Variants in EPS8L2 observed in about 807,000 individuals in gnomAD.
EPS8L2 encodes EPS8 signaling adaptor L2.
A neutral mutation model predicts 99.4 loss-of-function variants in EPS8L2; 81 were observed. The ratio of observed to expected loss-of-function variants is 0.82; its 90% CI spans 0.68 to 0.98. EPS8L2 has a LOEUF of 0.98. Among genes scored for constraint, EPS8L2 ranks in the 50% least tolerant of loss-of-function variants. The pLI is 0.00. For synonymous variants in EPS8L2, 509 were observed against 407.3 expected, an observed-to-expected ratio of 1.25 and a Z score of -3.01; for missense variants, 1,155 against 968.8, an observed-to-expected ratio of 1.19 and a Z score of -2.55.
chr11:722,273 G>A (rs960436376), intron 12 of EPS8L2, 108 bp downstream of exon 12: 33 of 1,534,338 alleles, frequency 2.2e-5, no homozygotes, highest in African/African-American at 1.1e-4. Flanking sequence ...TGGGCAGCCC[G>A]GTTCACGCTG....
intron 7 of EPS8L2, 69 bp downstream of exon 7, chr11:720,978 G>GCCGGGGAGGGGAGGAGC: frequency 9.1e-7 from 1 of 1,097,672 alleles, no homozygotes; most frequent in Non-Finnish European, 1.2e-6. Context: ...GAGGGGAGGA[G>GCCGGGGAGGGGAGGAGC]CCGGCAGGGG....
chr11:713,274 C>T (rs1229841470), intron 4 of EPS8L2, among the ~76,000 whole-genome samples: 1 of 152,216 alleles, frequency 6.6e-6, no homozygotes, highest in Non-Finnish European at 1.5e-5. Flanking sequence ...GGTTCTGTTG[C>T]CACCATAGTC....
At position 721,652 on chromosome 11, in the gene EPS8L2, C is replaced by A. The variant is rs750411464; in HGVS notation, c.856C>A (p.Arg286=). 6.3e-7 allele frequency: 1 copy of A among 1,583,822 alleles called. No individual in the cohort carries two copies. Among genetic ancestry groups the A allele is most frequent in the Non-Finnish European group, 8.6e-7 (1 of 1,168,192 alleles). ...AAEAFKQLNQ[R]KKGKKKGKKA... ...CGAGGCTTTCAAGCAGCTGAACCAG[C>A]GGAAAAAGGGGAAGAAGAAGGGCAA... The change falls in exon 10 of 21, where the codon CGG becomes AGG. Residue 286 remains arginine, a synonymous_variant. Coordinates refer to ENST00000318562, the MANE Select transcript of EPS8L2 (RefSeq NM_022772.4).
intron 19 of EPS8L2, 33 bp from the exon 20 acceptor site, chr11:726,586 G>T (rs1862332630): frequency 3.3e-6 from 5 of 1,533,058 alleles, no homozygotes; most frequent in Non-Finnish European, 4.4e-6. Flanking sequence ...CTCGCTCACA[G>T]CGCGGCCCTG....
intron 4 of EPS8L2, among the ~76,000 whole-genome samples, chr11:711,961 C>T (rs1261451347): frequency 6.8e-6 from 1 of 146,672 alleles, no homozygotes; most frequent in African/African-American, 2.5e-5. Flanking sequence ...CCAGCATGGG[C>T]AACAGAGCGA....
intron 4 of EPS8L2, among the ~76,000 whole-genome samples, chr11:719,629 A>G (rs918035596): frequency 3.9e-5 from 6 of 152,254 alleles, no homozygotes; most frequent in Non-Finnish European, 7.3e-5. Flanking sequence ...CGCACAGCAC[A>G]CCACGTGCAG....
chr11:710,609 G>A, intron 4 of EPS8L2, 123 bp downstream of exon 4: 1 of 986,872 alleles, frequency 1.0e-6, no homozygotes, highest in Non-Finnish European at 1.6e-6. Context: ...CCGGCCTGTA[G>A]GCCCTGCTAC....
In EPS8L2 at chr11:726,286, A is replaced by T; in HGVS notation, c.1754-18A>T. 6.3e-7 allele frequency: 1 copy of T among 1,594,040 alleles called. No individual in the cohort carries two copies. Among genetic ancestry groups the T allele is most frequent in the Middle Eastern group, 1.7e-4 (1 of 6,006 alleles). ...CAGGGGCAAGGCAGCGGCGGGCCTG[A>T]GTCGCGCGCCCCCTCAGAGCTCATG... On this transcript the variant is annotated intron_variant, in intron 18 of 20. Coordinates refer to ENST00000318562, the MANE Select transcript of EPS8L2 (RefSeq NM_022772.4).
At chr11:710,511 TC>T in intron 4 of EPS8L2, 25 bp downstream of exon 4, 1 of 1,608,118 alleles carries the variant, frequency 6.2e-7, no homozygotes, top group Non-Finnish European at 8.5e-7. Context: ...CCAGGTAGGC[TC>T]CGCCCCCAGG....
At chr11:722,333 T>C in intron 12 of EPS8L2, 68 bp from the exon 13 acceptor site, 5 of 1,581,314 alleles carry the variant, frequency 3.2e-6, no homozygotes, top group Non-Finnish European at 4.3e-6. Flanking sequence ...GGCCAGCCTG[T>C]GGAGCTACGG....
rs1223773399 is a variant in EPS8L2 at position 725,853 on chromosome 11, C to T, written c.1680+6C>T. 1.5e-6 allele frequency: 2 copies of T among 1,377,990 alleles called. No individual in the cohort carries two copies. The highest frequency in any genetic ancestry group is 9.3e-7 in the Non-Finnish European group (1 of 1,072,410). 85.4% of individuals were successfully genotyped at this position (1,377,990 alleles called of 1,614,324 possible). Reference sequence around the variant, plus strand: ...CCGGCGCCCCGTTCGAGCAGGTGAGCCCGCGGGGGTCCCTGGGGTCGCAGC... The same window carrying T: ...CCGGCGCCCCGTTCGAGCAGGTGAGTCCGCGGGGGTCCCTGGGGTCGCAGC... On this transcript the variant is annotated splice_donor_region_variant and intron_variant, in intron 17 of 20. Transcript: ENST00000318562.
At position 720,902 on chromosome 11, in the gene EPS8L2, A is replaced by T; in HGVS notation, c.550A>T (p.Thr184Ser). Residue 184 changes from threonine (T) to serine (S), a missense_variant, in exon 7 of 21, where the codon ACC becomes TCC. Coordinates refer to ENST00000318562, the MANE Select transcript of EPS8L2 (RefSeq NM_022772.4). ...GCTGGGCAAGAAGATGCGGCCGCAGACCCTGAAGTAGGGCAGCGGGCGGAG... is the reference window on the plus strand; with the variant it reads ...GCTGGGCAAGAAGATGCGGCCGCAGTCCCTGAAGTAGGGCAGCGGGCGGAG... Reference protein sequence around the residue: ...CRLGKKMRPQTLKGHQEKIRQ... With the variant: ...CRLGKKMRPQSLKGHQEKIRQ... The T allele has an allele frequency of 7.6e-7, 1 of 1,320,652 alleles. No individual in the cohort carries two copies. The highest frequency in any genetic ancestry group is 9.9e-7 in the Non-Finnish European group (1 of 1,011,652). 81.8% of individuals were successfully genotyped at this position (1,320,652 alleles called of 1,614,324 possible).
chr11:723,053 C>T (rs867303655), intron 14 of EPS8L2, among the ~76,000 whole-genome samples, 188 bp from the exon 15 acceptor site: 40 of 124,408 alleles, frequency 3.2e-4, no homozygotes, highest in African/African-American at 1.2e-3. Flanking sequence ...GCCCCTTCAG[C>T]CACAGCTCAG....
chr11:726,917 C>T lies in EPS8L2; in HGVS notation c.2084C>T (p.Ser695Leu). 6.2e-7 allele frequency: 1 copy of T among 1,613,078 alleles called. No homozygotes were observed. Among genetic ancestry groups the T allele is most frequent in the Non-Finnish European group, 8.5e-7 (1 of 1,179,808 alleles). Residue 695 changes from serine to leucine, a missense_variant, in exon 21 of 21, where the codon TCG (serine) becomes TTG (leucine). Ser to Leu is a moderately radical substitution (Grantham distance 145, BLOSUM62 -2). Coordinates refer to ENST00000318562, the MANE Select transcript of EPS8L2 (RefSeq NM_022772.4). ...CCTCCCTAGAAGCAGCAAAGTGGGT[C>T]GGAGCTGGAAGAACTCATGAACAAG... ...KAFLEKQQSG[S>L]ELEELMNKFH... is the part of the protein sequence containing the mutation.
Position 720,693 on chromosome 11 carries a change from G to C in EPS8L2, c.424G>C (p.Asp142His). The C allele has an allele frequency of 6.3e-7, 1 of 1,598,292 alleles. No homozygotes were observed. Among genetic ancestry groups the C allele is most frequent in the Non-Finnish European group, 8.5e-7 (1 of 1,173,926 alleles). The change falls in exon 6 of 21, where the codon GAC becomes CAC. Residue 142 changes from aspartate (D) to histidine (H), a missense_variant. Coordinates refer to ENST00000318562, the MANE Select transcript of EPS8L2 (RefSeq NM_022772.4). ...YPSVLLLVCQ[D>H]SEQSKPDVHF... ...GTCTGTGCTGCTGCTCGTGTGCCAG[G>C]ACTCGGAGCAGAGCAAGCCGGATGT...
At chr11:722,317 C>A (rs1195288589) in intron 12 of EPS8L2, 84 bp from the exon 13 acceptor site, 2 of 1,566,402 alleles carry the variant, frequency 1.3e-6, no homozygotes, top group Admixed American at 1.7e-5. Flanking sequence ...AAAGTCCCTT[C>A]CCGAGGGCCA....
At chr11:726,514 C>A (rs200933317) in intron 19 of EPS8L2, 30 bp downstream of exon 19, 1 of 1,527,500 alleles carries the variant, frequency 6.5e-7, no homozygotes, top group Non-Finnish European at 8.8e-7. Context: ...GAGCTGGGGC[C>A]CGGGCGAGGG....
At chr11:722,205 C>T in intron 12 of EPS8L2, 40 bp downstream of exon 12, 4 of 1,596,846 alleles carry the variant, frequency 2.5e-6, no homozygotes, top group Non-Finnish European at 3.4e-6. Flanking sequence ...AGGGTGGGGG[C>T]CCAGAGGCCT....
intron 4 of EPS8L2, among the ~76,000 whole-genome samples, chr11:718,199 G>C (rs200270644): frequency 6.6e-6 from 1 of 151,764 alleles, no homozygotes; most frequent in Admixed American, 6.6e-5. Context: ...CGGGTGTGGT[G>C]GTGGGTGCCT....
Sources: allele counts gnomAD v4.1 joint callset (sites outside exome capture counted in the v4.1 genomes callset), GRCh38; gene constraint gnomAD v4.1.1; transcripts MANE v1.5; gene names NCBI Gene and HGNC (gene_info 2026-07-23, HGNC 2026-07-21).